FMN1: variants seen among roughly 807,000 people sequenced by gnomAD.
The protein encoded by FMN1 is formin 1.
In FMN1, 110 loss-of-function variants were observed where a neutral mutation model predicts 132.4. That is an observed-to-expected ratio of 0.83 (90% CI 0.71 to 0.97). The LOEUF is 0.97. Ranked by LOEUF, FMN1 falls within the 50% of genes least tolerant of loss-of-function variation. The probability of loss-of-function intolerance (pLI) is 0.00; values close to 1 mark genes in which losing one functional copy is unlikely to be tolerated. For synonymous variants in FMN1, 722 were observed against 651.7 expected (o/e 1.11, Z -1.64); for missense variants, 1,792 against 1,705.3 (o/e 1.05, Z -0.90).
intron 16 of FMN1, among the ~76,000 whole-genome samples, chr15:32,862,204 T>C (rs1046810824): frequency 6.6e-6 from 1 of 152,026 alleles, no homozygotes; most frequent in Non-Finnish European, 1.5e-5. Flanking sequence ...CATGGACAGA[T>C]CCACAAATGT....
chr15:33,009,284 C>A (rs916760660), intron 6 of FMN1, among the ~76,000 whole-genome samples: 1 of 152,154 alleles, frequency 6.6e-6, no homozygotes, highest in Non-Finnish European at 1.5e-5. Context: ...TGGTAGGGTG[C>A]CTGCTTCTAC....
chr15:33,078,086 C>T (rs2038294090), intron 5 of FMN1, among the ~76,000 whole-genome samples: 1 of 152,128 alleles, frequency 6.6e-6, no homozygotes, highest in Non-Finnish European at 1.5e-5. Flanking sequence ...TGAAAAGGGA[C>T]ATATTGGGGT....
chr15:32,795,269 C>T (rs1019371975), intron 19 of FMN1, among the ~76,000 whole-genome samples: 1 of 152,086 alleles, frequency 6.6e-6, no homozygotes, highest in African/African-American at 2.4e-5. Context: ...TAGATGTTTA[C>T]CGATTTCAAG....
At chr15:32,774,537 T>C (rs561082952) in intron 20 of FMN1, among the ~76,000 whole-genome samples, 183 bp from the exon 21 acceptor site, 5 of 152,058 alleles carry the variant, frequency 3.3e-5, no homozygotes, top group Non-Finnish European at 7.3e-5. Flanking sequence ...CTATCACCCT[T>C]ACTCCCCAGA....
chr15:33,074,365 C>T (rs565848717), intron 5 of FMN1, among the ~76,000 whole-genome samples: 4 of 152,226 alleles, frequency 2.6e-5, no homozygotes, highest in East Asian at 3.9e-4. Context: ...CATGCTGTGG[C>T]GTTCCTCTGC....
intron 5 of FMN1, among the ~76,000 whole-genome samples, chr15:33,068,844 C>T (rs934620706): frequency 6.6e-6 from 1 of 152,158 alleles, no homozygotes; most frequent in African/African-American, 2.4e-5. Context: ...GAGTAAACAG[C>T]CCAGGCTCCG....
chr15:33,044,082 G>C (rs34599314), intron 6 of FMN1, among the ~76,000 whole-genome samples: 3 of 152,122 alleles, frequency 2.0e-5, no homozygotes, highest in Non-Finnish European at 4.4e-5. Flanking sequence ...TCATAACCTA[G>C]TTGGGTATCT....
chr15:32,803,540 G>A (rs960007992), intron 18 of FMN1, among the ~76,000 whole-genome samples: 2 of 152,146 alleles, frequency 1.3e-5, no homozygotes, highest in African/African-American at 4.8e-5. Flanking sequence ...AGATCTCTGA[G>A]GTGTTCCCCA....
chr15:32,993,978 T>C (rs901816566), intron 7 of FMN1, among the ~76,000 whole-genome samples: 4 of 152,004 alleles, frequency 2.6e-5, no homozygotes, highest in Admixed American at 2.0e-4. Flanking sequence ...AATTAGTCAG[T>C]AGATTCTAAC....
At chr15:33,162,740 T>G (rs1964944891) in intron 3 of FMN1, among the ~76,000 whole-genome samples, 1 of 151,854 alleles carries the variant, frequency 6.6e-6, no homozygotes, top group African/African-American at 2.4e-5. Flanking sequence ...CAGATTGGAG[T>G]AGAAAGAGAA....
chr15:32,938,729 T>C (rs2061335440), intron 9 of FMN1, among the ~76,000 whole-genome samples: 1 of 152,222 alleles, frequency 6.6e-6, no homozygotes, highest in African/African-American at 2.4e-5. Context: ...AGCAACTGTT[T>C]TTCTGTTCCC....
At chr15:32,949,701 A>G (rs1202002846) in intron 9 of FMN1, among the ~76,000 whole-genome samples, 1 of 151,844 alleles carries the variant, frequency 6.6e-6, no homozygotes, top group African/African-American at 2.4e-5. Flanking sequence ...AAAAATTAAC[A>G]AACGGGATGT....
intron 7 of FMN1, among the ~76,000 whole-genome samples, chr15:32,978,187 C>T (rs114209807): frequency 0.014 from 2,081 of 152,184 alleles, 43 homozygotes; most frequent in African/African-American, 0.048. Context: ...TAGTTAATTA[C>T]AAGTTTTAAG....
chr15:32,881,870 A>G (rs512644), intron 16 of FMN1, among the ~76,000 whole-genome samples: 43,687 of 151,994 alleles, frequency 0.29, 6,890 homozygotes, highest in African/African-American at 0.42. Context: ...TAACTTCCAC[A>G]CATGGAAGAG....
intron 2 of FMN1, among the ~76,000 whole-genome samples, chr15:33,183,797 A>G (rs897243001): frequency 6.6e-6 from 1 of 152,228 alleles, no homozygotes; most frequent in African/African-American, 2.4e-5. Context: ...ATAATATAGA[A>G]ATAATAACAC....
At chr15:32,790,057 TTTAAA>T (rs2057020119) in intron 19 of FMN1, among the ~76,000 whole-genome samples, 1 of 152,186 alleles carries the variant, frequency 6.6e-6, no homozygotes, top group South Asian at 2.1e-4. Flanking sequence ...ATTCTACGTG[TTTAAA>T]TTAAGTGCTG....
intron 17 of FMN1, among the ~76,000 whole-genome samples, chr15:32,822,502 C>T (rs2058245604): frequency 6.6e-6 from 1 of 151,954 alleles, no homozygotes; most frequent in Admixed American, 6.6e-5. Context: ...CAGAACTTTA[C>T]ACTTATTACT....
intron 9 of FMN1, among the ~76,000 whole-genome samples, chr15:32,943,973 G>C (rs2061451497): frequency 6.6e-6 from 1 of 152,112 alleles, no homozygotes; most frequent in Non-Finnish European, 1.5e-5. Context: ...AAAAATCATG[G>C]GGGAACCAAC....
intron 7 of FMN1, among the ~76,000 whole-genome samples, chr15:32,971,746 C>G (rs1010124314): frequency 2.0e-5 from 3 of 152,140 alleles, no homozygotes; most frequent in African/African-American, 7.2e-5. Context: ...CAAAGACATA[C>G]TGCATGGTGA....
Sources: allele counts gnomAD v4.1 joint callset (sites outside exome capture counted in the v4.1 genomes callset), GRCh38; gene constraint gnomAD v4.1.1; transcripts MANE v1.5; gene names NCBI Gene and HGNC (gene_info 2026-07-23, HGNC 2026-07-21).